The following NCKAP5 variants were observed in gnomAD, a reference collection of about 807,000 sequenced individuals.
NCKAP5 encodes NCK associated protein 5, also known as nck-associated protein 5.
Under a neutral mutation model 167.0 loss-of-function variants are expected in NCKAP5, and 92 were observed. The ratio of observed to expected loss-of-function variants is 0.55; its 90% confidence interval spans 0.47 to 0.66. NCKAP5 has a LOEUF of 0.66. Ranked by LOEUF, NCKAP5 falls within the 30% of genes least tolerant of loss-of-function variation. NCKAP5 has a pLI of 0.00. For missense variants in NCKAP5, 2,378 were observed against 2,315.0 expected (o/e 1.03, Z -0.56); for synonymous variants, 891 against 877.4 (o/e 1.02, Z -0.27).
At chr2:133,504,692 A>C (rs1477392472) in intron 3 of NCKAP5, among the ~76,000 whole-genome samples, 2 of 152,192 alleles carry the variant, frequency 1.3e-5, no homozygotes, top group African/African-American at 4.8e-5. Context: ...GGCAGCAGCC[A>C]GATAGCCAGT....
chr2:133,361,226 T>G (rs1362026547), intron 3 of NCKAP5, among the ~76,000 whole-genome samples: 1 of 152,176 alleles, frequency 6.6e-6, no homozygotes, highest in Non-Finnish European at 1.5e-5. Flanking sequence ...TTTGGAATTC[T>G]GCATAGAAAG....
intron 8 of NCKAP5, among the ~76,000 whole-genome samples, chr2:132,927,224 A>G (rs183127155): frequency 6.6e-6 from 1 of 152,136 alleles, no homozygotes; most frequent in East Asian, 1.9e-4. Context: ...TCTTTGACCT[A>G]TGTGTCTATT....
intron 3 of NCKAP5, among the ~76,000 whole-genome samples, chr2:133,421,472 G>A (rs1023041109): frequency 3.5e-4 from 53 of 152,194 alleles, no homozygotes; most frequent in Admixed American, 2.0e-4. Context: ...GATCATTAGG[G>A]AGCATGGATA....
chr2:133,100,053 T>C (rs528972807), intron 6 of NCKAP5, among the ~76,000 whole-genome samples: 208 of 152,336 alleles, frequency 1.4e-3, no homozygotes, highest in African/African-American at 4.9e-3. Flanking sequence ...GATCTCCTCC[T>C]ACCTCTCTAA....
At chr2:133,095,616 G>A (rs574228802) in intron 6 of NCKAP5, among the ~76,000 whole-genome samples, 1 of 152,364 alleles carries the variant, frequency 6.6e-6, no homozygotes, top group African/African-American at 2.4e-5. Flanking sequence ...ATGTAGAGGA[G>A]AGGAACCACT....
chr2:132,752,535 C>A (rs1680204100), intron 16 of NCKAP5, among the ~76,000 whole-genome samples: 1 of 152,148 alleles, frequency 6.6e-6, no homozygotes, highest in Admixed American at 6.5e-5. Context: ...TCTACCCACC[C>A]CCTGCCCAGT....
intron 4 of NCKAP5, among the ~76,000 whole-genome samples, chr2:133,227,202 C>A (rs905929093): frequency 1.3e-5 from 2 of 152,164 alleles, no homozygotes; most frequent in African/African-American, 4.8e-5. Flanking sequence ...CTTCAACATG[C>A]CATTTCTCAA....
At chr2:133,534,810 G>C (rs1685631835) in intron 2 of NCKAP5, among the ~76,000 whole-genome samples, 1 of 152,028 alleles carries the variant, frequency 6.6e-6, no homozygotes, top group African/African-American at 2.4e-5. Context: ...CTTTTTATAT[G>C]GACATATGTT....
At chr2:133,115,805 A>G (rs2082059535) in intron 6 of NCKAP5, among the ~76,000 whole-genome samples, 1 of 99,838 alleles carries the variant, frequency 1.0e-5, no homozygotes, top group South Asian at 2.9e-4. Flanking sequence ...ATATATATAT[A>G]TATATATATA....
At chr2:132,951,057 T>C (rs1371569295) in intron 8 of NCKAP5, among the ~76,000 whole-genome samples, 2 of 152,252 alleles carry the variant, frequency 1.3e-5, no homozygotes, top group African/African-American at 2.4e-5. Context: ...ACTGCTCATG[T>C]TCCTTGCTCT....
chr2:132,772,522 C>A (rs187606909), intron 16 of NCKAP5, among the ~76,000 whole-genome samples: 1 of 152,130 alleles, frequency 6.6e-6, no homozygotes, highest in Non-Finnish European at 1.5e-5. Flanking sequence ...AAGAACACCT[C>A]GTTATAGAAA....
chr2:132,963,665 G>T (rs2076582342), intron 8 of NCKAP5, 55 bp downstream of exon 8: 2 of 1,556,458 alleles, frequency 1.3e-6, no homozygotes, highest in Non-Finnish European at 1.8e-6. Flanking sequence ...GCCAATAAAA[G>T]AAGCAGAATA....
intron 11 of NCKAP5, among the ~76,000 whole-genome samples, chr2:132,842,770 G>A (rs1469611593): frequency 6.6e-6 from 1 of 151,842 alleles, no homozygotes; most frequent in African/African-American, 2.4e-5. Context: ...GAACTCCTGG[G>A]ATCAAGCAAT....
intron 3 of NCKAP5, among the ~76,000 whole-genome samples, chr2:133,362,424 G>C (rs1218399390): frequency 6.6e-6 from 1 of 152,086 alleles, no homozygotes; most frequent in Non-Finnish European, 1.5e-5. Context: ...TGAGTCAGAG[G>C]GGCCCCATAT....
chr2:133,179,378 T>G (rs1257272209), intron 5 of NCKAP5, among the ~76,000 whole-genome samples: 2 of 151,716 alleles, frequency 1.3e-5, no homozygotes, highest in African/African-American at 4.8e-5. Flanking sequence ...GCATTTTCAA[T>G]TAAGGATTTT....
chr2:133,011,949 C>T (rs182514027), intron 6 of NCKAP5, among the ~76,000 whole-genome samples: 1 of 152,132 alleles, frequency 6.6e-6, no homozygotes. Flanking sequence ...ATTGCTGGAC[C>T]CCTTGCTTCC....
chr2:132,747,826 A>G (rs569300671), intron 16 of NCKAP5, among the ~76,000 whole-genome samples: 1 of 152,340 alleles, frequency 6.6e-6, no homozygotes, highest in South Asian at 2.1e-4. Context: ...AAGTTTAAGG[A>G]GGTCAATAAC....
chr2:133,111,133 T>C (rs1458610229), intron 6 of NCKAP5, among the ~76,000 whole-genome samples: 2 of 152,156 alleles, frequency 1.3e-5, no homozygotes, highest in Non-Finnish European at 2.9e-5. Context: ...ATTCGAATTT[T>C]GGAGGTACAC....
chr2:133,586,751 T>G, the NCKAP5 span, among the ~76,000 whole-genome samples: 16 of 140,932 alleles, frequency 1.1e-4, no homozygotes, highest in Non-Finnish European at 2.2e-4. Context: ...GACAGCAATA[T>G]CACACACACA....
Sources: allele counts gnomAD v4.1 joint callset (sites outside exome capture counted in the v4.1 genomes callset), GRCh38; gene constraint gnomAD v4.1.1; transcripts MANE v1.5; gene names NCBI Gene and HGNC (gene_info 2026-07-23, HGNC 2026-07-21).